Variants in MYO1E observed in about 807,000 individuals in gnomAD.
The protein encoded by MYO1E is unconventional myosin-Ie.
In MYO1E, 68 loss-of-function variants were observed where a neutral mutation model predicts 151.1. The ratio of observed to expected loss-of-function variants is 0.45; its 90% CI spans 0.37 to 0.55. The LOEUF is 0.55. Among genes scored for constraint, MYO1E ranks in the 20% least tolerant of loss-of-function variants. MYO1E has a pLI of 0.00. For synonymous variants in MYO1E, 601 were observed against 501.7 expected (o/e 1.20, Z -2.64); for missense variants, 1,363 against 1,389.3 (o/e 0.98, Z 0.30).
At chr15:59,362,685 G>A (rs749938361) in intron 1 of MYO1E, among the ~76,000 whole-genome samples, 5 of 152,074 alleles carry the variant, frequency 3.3e-5, no homozygotes, top group Non-Finnish European at 7.4e-5. Context: ...CATCTTCCTA[G>A]GACACCAAAA....
At chr15:59,361,124 C>T (rs2080882664) in intron 1 of MYO1E, among the ~76,000 whole-genome samples, 1 of 152,164 alleles carries the variant, frequency 6.6e-6, no homozygotes, top group African/African-American at 2.4e-5. Context: ...GCCAAGCCAT[C>T]CCATGGCCCC....
chr15:59,295,529 C>T (rs1257534590), intron 1 of MYO1E, among the ~76,000 whole-genome samples: 1 of 152,182 alleles, frequency 6.6e-6, no homozygotes, highest in Non-Finnish European at 1.5e-5. Flanking sequence ...GAGGGTGCAG[C>T]CCAGGTCATG....
At chr15:59,239,566 T>A (rs2080087703) in intron 4 of MYO1E, among the ~76,000 whole-genome samples, 1 of 152,156 alleles carries the variant, frequency 6.6e-6, no homozygotes, top group Non-Finnish European at 1.5e-5. Flanking sequence ...CTTTGGTTAA[T>A]ACTGTATTCA....
At chr15:59,241,336 G>C (rs2080098516) in intron 4 of MYO1E, among the ~76,000 whole-genome samples, 1 of 151,918 alleles carries the variant, frequency 6.6e-6, no homozygotes, top group Non-Finnish European at 1.5e-5. Flanking sequence ...TTCTTAAAAA[G>C]AACAAAAACA....
chr15:59,232,820 AACTG>A (rs1375691534), intron 5 of MYO1E, among the ~76,000 whole-genome samples: 1 of 152,206 alleles, frequency 6.6e-6, no homozygotes, highest in Non-Finnish European at 1.5e-5. Flanking sequence ...ATGAACTACT[AACTG>A]ACTATGTAAC....
At chr15:59,152,042 T>C (rs1266600074) in intron 26 of MYO1E, among the ~76,000 whole-genome samples, 1 of 151,044 alleles carries the variant, frequency 6.6e-6, no homozygotes, top group Non-Finnish European at 1.5e-5. Flanking sequence ...CACTCCAGCC[T>C]GGCAACCGAG....
chr15:59,173,104 G>A (rs1156607445), intron 21 of MYO1E, among the ~76,000 whole-genome samples: 1 of 152,222 alleles, frequency 6.6e-6, no homozygotes, highest in African/African-American at 2.4e-5. Flanking sequence ...AAAATCAACT[G>A]TTCCTCCTGT....
chr15:59,338,391 A>G (rs2080743222), intron 1 of MYO1E, among the ~76,000 whole-genome samples: 1 of 151,268 alleles, frequency 6.6e-6, no homozygotes, highest in East Asian at 2.0e-4. Flanking sequence ...GAGTTTTTCA[A>G]CCTTGGTCAA....
intron 16 of MYO1E, among the ~76,000 whole-genome samples, chr15:59,199,072 T>C (rs1316916478): frequency 2.0e-5 from 3 of 152,144 alleles, no homozygotes; most frequent in Non-Finnish European, 4.4e-5. Context: ...GGATTTTGGA[T>C]TTTTTCAGAT....
At chr15:59,328,540 T>C (rs1415780135) in intron 1 of MYO1E, among the ~76,000 whole-genome samples, 1 of 97,016 alleles carries the variant, frequency 1.0e-5, no homozygotes, top group Admixed American at 9.3e-5. Context: ...GAGACATAAA[T>C]TCATAAATTA....
chr15:59,287,374 G>A (rs1012007376), intron 1 of MYO1E, among the ~76,000 whole-genome samples: 1 of 152,170 alleles, frequency 6.6e-6, no homozygotes, highest in Non-Finnish European at 1.5e-5. Context: ...AGGGCTACCT[G>A]CAGTTGCTGC....
chr15:59,363,962 A>T (rs1486052036), intron 1 of MYO1E, among the ~76,000 whole-genome samples: 1 of 152,094 alleles, frequency 6.6e-6, no homozygotes, highest in Admixed American at 6.5e-5. Context: ...TTTTTAGTAG[A>T]GACGGGGGTT....
intron 1 of MYO1E, among the ~76,000 whole-genome samples, chr15:59,291,257 T>C (rs1313993998): frequency 2.0e-5 from 3 of 152,224 alleles, no homozygotes; most frequent in Non-Finnish European, 4.4e-5. Flanking sequence ...ACTCCTGATA[T>C]TCTTTGCTGG....
intron 1 of MYO1E, among the ~76,000 whole-genome samples, chr15:59,361,875 C>A (rs773632124): frequency 1.3e-5 from 2 of 151,756 alleles, no homozygotes; most frequent in Non-Finnish European, 2.9e-5. Context: ...CTGGCTGTAT[C>A]GCCCAGGCTG....
chr15:59,351,188 C>T (rs554582148), intron 1 of MYO1E, among the ~76,000 whole-genome samples: 345 of 152,106 alleles, frequency 2.3e-3, no homozygotes, highest in Non-Finnish European at 3.5e-3. Context: ...TGTGAGCCAC[C>T]GCACCCGGCC....
At chr15:59,186,264 T>A (rs551434075) in intron 18 of MYO1E, among the ~76,000 whole-genome samples, 2 of 152,108 alleles carry the variant, frequency 1.3e-5, no homozygotes, top group African/African-American at 4.8e-5. Context: ...AGCTCTTTTT[T>A]AAAACCTCTA....
At chr15:59,137,489 T>C (rs544070436) in intron 27 of MYO1E, 33 bp from the exon 28 acceptor site, 1 of 1,585,702 alleles carries the variant, frequency 6.3e-7, no homozygotes, top group African/African-American at 1.3e-5. Context: ...GAAGTGAAGA[T>C]GAGAAAGTCT....
rs2080293604 is a variant in MYO1E, at chr15:59,272,379, A to C, written c.74T>G (p.Val25Gly). Residue 25 changes from valine (V) to glycine (G), a missense_variant, in exon 2 of 28, where the codon GTG becomes GGG. Transcript: ENST00000288235. ...NVKHSGVDDM[V>G]LLSKITENSI... ...GTTCTCTGTGATCTTGGACAGTAGCACCATGTCGTCCACACCACTGTGCTT... is the reference window on the plus strand; with the variant it reads ...GTTCTCTGTGATCTTGGACAGTAGCCCCATGTCGTCCACACCACTGTGCTT... The C allele has an allele frequency of 6.2e-7, 1 of 1,613,958 alleles. No individual in the cohort carries two copies. Among genetic ancestry groups the C allele is most frequent in the Non-Finnish European group, 8.5e-7 (1 of 1,179,910 alleles).
At chr15:59,365,607 G>T (rs2080908485) in intron 1 of MYO1E, among the ~76,000 whole-genome samples, 1 of 152,152 alleles carries the variant, frequency 6.6e-6, no homozygotes, top group African/African-American at 2.4e-5. Context: ...GTTAACAAAT[G>T]GATTTAGGAT....
Sources: gnomAD v4.1 joint callset for allele counts (sites outside exome capture counted in the v4.1 genomes callset) on GRCh38, gnomAD v4.1.1 for gene constraint, MANE v1.5 for transcripts, NCBI Gene and HGNC (gene_info 2026-07-23, HGNC 2026-07-21) for gene names.